ARB2A: variants seen among roughly 807,000 people sequenced by gnomAD.
ARB2A encodes ARB2 cotranscriptional regulator A, also known as cotranscriptional regulator ARB2A.
the ARB2A span, among the ~76,000 whole-genome samples, chr5:93,851,175 G>C: frequency 2.0e-5 from 3 of 152,216 alleles, no homozygotes; most frequent in Middle Eastern, 3.4e-3. Flanking sequence ...TAAAACGAGT[G>C]AAAATGCTTA....
At chr5:93,878,838 G>C in the ARB2A span, among the ~76,000 whole-genome samples, 1 of 151,822 alleles carries the variant, frequency 6.6e-6, no homozygotes, top group Non-Finnish European at 1.5e-5. Flanking sequence ...AGAACAATGT[G>C]GTAAAGAAGA....
At chr5:93,705,942 T>C in the ARB2A span, among the ~76,000 whole-genome samples, 1 of 152,124 alleles carries the variant, frequency 6.6e-6, no homozygotes, top group Non-Finnish European at 1.5e-5. Flanking sequence ...TAAACTGGCC[T>C]TTTAACCTTA....
chr5:93,777,271 C>A, the ARB2A span, among the ~76,000 whole-genome samples: 1 of 151,420 alleles, frequency 6.6e-6, no homozygotes, highest in Non-Finnish European at 1.5e-5. Context: ...AACTAACCTG[C>A]ACATTGTGCA....
chr5:93,780,974 C>T, the ARB2A span, among the ~76,000 whole-genome samples: 2 of 152,116 alleles, frequency 1.3e-5, no homozygotes, highest in Non-Finnish European at 1.5e-5. Flanking sequence ...TAAAAATTAG[C>T]TTTTTATAAA....
the ARB2A span, among the ~76,000 whole-genome samples, chr5:94,040,484 C>T: frequency 6.6e-6 from 1 of 151,432 alleles, no homozygotes; most frequent in Non-Finnish European, 1.5e-5. Context: ...GGTATATCTC[C>T]TAATGCTATC....
the ARB2A span, among the ~76,000 whole-genome samples, chr5:93,912,079 G>A: frequency 3.3e-5 from 5 of 151,692 alleles, no homozygotes; most frequent in Non-Finnish European, 7.4e-5. Flanking sequence ...TTCATGTTCA[G>A]ACTAAAAAAA....
At chr5:93,809,227 GAT>G in the ARB2A span, among the ~76,000 whole-genome samples, 1 of 151,878 alleles carries the variant, frequency 6.6e-6, no homozygotes, top group South Asian at 2.1e-4. Context: ...TTAAAACACT[GAT>G]TTATTTAACT....
chr5:94,083,292 T>G, the ARB2A span, among the ~76,000 whole-genome samples: 2 of 152,176 alleles, frequency 1.3e-5, no homozygotes, highest in Non-Finnish European at 2.9e-5. Flanking sequence ...ATTTTACAAG[T>G]AGACTTCTCC....
At chr5:93,823,374 G>T in the ARB2A span, among the ~76,000 whole-genome samples, 1 of 152,072 alleles carries the variant, frequency 6.6e-6, no homozygotes, top group South Asian at 2.1e-4. Context: ...TAAATATGAA[G>T]ATTTCTATGA....
chr5:94,044,607 G>A, the ARB2A span, among the ~76,000 whole-genome samples: 4 of 152,124 alleles, frequency 2.6e-5, no homozygotes, highest in Non-Finnish European at 4.4e-5. Context: ...GAGCAACTCC[G>A]TCTTGAAAAG....
chr5:94,092,655 C>T, the ARB2A span, among the ~76,000 whole-genome samples: 1 of 152,068 alleles, frequency 6.6e-6, no homozygotes, highest in Admixed American at 6.6e-5. Flanking sequence ...ATACTTAGTT[C>T]CTCAAATATG....
the ARB2A span, among the ~76,000 whole-genome samples, chr5:93,986,440 T>TG: frequency 3.4e-3 from 427 of 126,608 alleles, 1 homozygote; most frequent in African/African-American, 7.7e-3. Flanking sequence ...ATCTGGGGGG[T>TG]GGGGGGGCCC....
chr5:94,091,911 G>A, the ARB2A span, among the ~76,000 whole-genome samples: 1 of 152,074 alleles, frequency 6.6e-6, no homozygotes, highest in African/African-American at 2.4e-5. Flanking sequence ...AATGATCCAA[G>A]AAAATAGTAA....
chr5:93,745,367 G>A, the ARB2A span, among the ~76,000 whole-genome samples: 1 of 152,150 alleles, frequency 6.6e-6, no homozygotes, highest in East Asian at 1.9e-4. Flanking sequence ...AAGAGATATG[G>A]AACCACCTAA....
the ARB2A span, among the ~76,000 whole-genome samples, chr5:93,987,029 A>T: frequency 1.2e-3 from 172 of 148,304 alleles, 1 homozygote; most frequent in Middle Eastern, 3.4e-3. Flanking sequence ...AAAAAAATTT[A>T]AAAAAAAAGA....
the ARB2A span, among the ~76,000 whole-genome samples, chr5:93,972,459 T>G: frequency 3.3e-5 from 5 of 149,658 alleles, no homozygotes; most frequent in African/African-American, 1.2e-4. Flanking sequence ...ATCCAAATGA[T>G]AGCAAACTAA....
At chr5:93,906,284 AT>A in the ARB2A span, among the ~76,000 whole-genome samples, 8 of 150,924 alleles carry the variant, frequency 5.3e-5, no homozygotes, top group South Asian at 2.1e-4. Flanking sequence ...ACCATCAGTG[AT>A]TTTTTTTTAA....
chr5:94,033,860 T>A, the ARB2A span, among the ~76,000 whole-genome samples: 1 of 152,204 alleles, frequency 6.6e-6, no homozygotes, highest in African/African-American at 2.4e-5. Flanking sequence ...TATTGGGAAG[T>A]GGTGCCTTTA....
chr5:93,792,546 T>G, the ARB2A span, among the ~76,000 whole-genome samples: 1 of 151,766 alleles, frequency 6.6e-6, no homozygotes, highest in Admixed American at 6.6e-5. Flanking sequence ...ATGGATGAAA[T>G]TGGAAATCAT....
Sources: allele counts gnomAD v4.1 joint callset (sites outside exome capture counted in the v4.1 genomes callset), GRCh38; gene constraint gnomAD v4.1.1; transcripts MANE v1.5; gene names NCBI Gene and HGNC (gene_info 2026-07-23, HGNC 2026-07-21).